SH2D1B: variants seen among roughly 807,000 people sequenced by gnomAD.
SH2D1B encodes the protein SH2 domain-containing protein 1B.
In SH2D1B, 11 loss-of-function variants were observed where a neutral mutation model predicts 16.3. The observed-to-expected ratio is 0.67, with a 90% CI of 0.42 to 1.11. SH2D1B has a LOEUF of 1.11. SH2D1B is among the 50% of genes most tolerant of loss of function. The pLI is 0.00. For synonymous variants in SH2D1B, 55 were observed against 56.1 expected, an observed-to-expected ratio of 0.98 and a Z score of 0.09; for missense variants, 123 against 153.1, an observed-to-expected ratio of 0.80 and a Z score of 1.04.
chr1:162,401,579 A>G (rs1648518141), intron 2 of SH2D1B, among the ~76,000 whole-genome samples: 1 of 152,170 alleles, frequency 6.6e-6, no homozygotes, highest in Admixed American at 6.5e-5. Flanking sequence ...TAAATACTTC[A>G]GTATTTCTTC....
chr1:162,403,505 AAAAAAAATATATATATATATAT>A (rs550941414), intron 1 of SH2D1B, among the ~76,000 whole-genome samples: 17,092 of 53,756 alleles, frequency 0.32, 1,941 homozygotes, highest in South Asian at 0.41. Context: ...AAAAAAAAAA[AAAAAAAATATATATATATATAT>A]ATATATATAT....
At chr1:162,408,414 CTTTTT>C (rs34627792) in intron 1 of SH2D1B, among the ~76,000 whole-genome samples, 2 of 128,192 alleles carry the variant, frequency 1.6e-5, no homozygotes, top group Non-Finnish European at 3.2e-5. Context: ...TTTTTCTCTT[CTTTTT>C]TTTTTTTTTT....
At chr1:162,398,560 G>C (rs1179827581) in intron 3 of SH2D1B, among the ~76,000 whole-genome samples, 3 of 152,194 alleles carry the variant, frequency 2.0e-5, no homozygotes, top group African/African-American at 7.2e-5. Flanking sequence ...AAGTGTAACA[G>C]TATACGCTTT....
At chr1:162,398,901 A>G in intron 3 of SH2D1B, 22 bp downstream of exon 3, 1 of 1,601,442 alleles carries the variant, frequency 6.2e-7, no homozygotes, top group Non-Finnish European at 8.5e-7. Context: ...TTGCTTTCTG[A>G]CCCCCACGTG....
At chr1:162,402,264 G>A (rs1239127211) in intron 2 of SH2D1B, among the ~76,000 whole-genome samples, 1 of 149,478 alleles carries the variant, frequency 6.7e-6, no homozygotes, top group Non-Finnish European at 1.5e-5. Flanking sequence ...TGTAATCCCA[G>A]CAGTCTGGGA....
rs190559654 is a variant in SH2D1B at position 162,399,411 on chromosome 1, G to A, written c.199-324C>T. Among the ~76,000 whole-genome samples the A allele has an allele frequency of 1.2e-4, 19 of 152,316 alleles. No homozygotes were observed. The East Asian group carries it at 3.3e-3, about 26-fold the overall frequency. On this transcript the variant is annotated intron_variant, in intron 2 of 3. Coordinates refer to ENST00000367929, the MANE Select transcript of SH2D1B (RefSeq NM_053282.5). ...GAAGGGTACCCCTGTAAGGGCTTACGTCTGTACCTACAGGCGGGCTTTGCT... is the reference window on the plus strand; with the variant it reads ...GAAGGGTACCCCTGTAAGGGCTTACATCTGTACCTACAGGCGGGCTTTGCT...
In SH2D1B at chr1:162,402,604, CTGACTCTCATCTCTGCAT is replaced by C; in HGVS notation, c.198+117_198+134del. 13 of 672,638 alleles carry C rather than the reference CTGACTCTCATCTCTGCAT, an allele frequency of 1.9e-5. No individual in the cohort carries two copies. The South Asian group carries it at 2.6e-4, about 14-fold the overall frequency. The allele number at this position is 672,638 out of a possible 1,614,324, so 41.7% of individuals were successfully genotyped here. A position where few individuals can be genotyped will look rare whatever the true frequency, so the allele number is the denominator to read the frequency against. ...CAGGGAAAAACCAGGTTAACTCGAT[CTGACTCTCATCTCTGCAT>C]TGTGCTTTCCTTTTTAGAATGCTTT... is the stretch of plus-strand genomic sequence containing the variant. On this transcript the variant is annotated intron_variant, in intron 2 of 3. Coordinates refer to ENST00000367929, the MANE Select transcript of SH2D1B (RefSeq NM_053282.5).
intron 1 of SH2D1B, among the ~76,000 whole-genome samples, chr1:162,404,315 G>A (rs1648600782): frequency 6.6e-6 from 1 of 152,020 alleles, no homozygotes; most frequent in African/African-American, 2.4e-5. Context: ...CAGCCTGGGT[G>A]ACAGAGTGAG....
chr1:162,407,395 A>G (rs1648676819), intron 1 of SH2D1B, among the ~76,000 whole-genome samples: 2 of 152,204 alleles, frequency 1.3e-5, no homozygotes, highest in Admixed American at 1.3e-4. Flanking sequence ...TACCTGAAAC[A>G]TATTTCAGTG....
intron 1 of SH2D1B, among the ~76,000 whole-genome samples, chr1:162,409,179 G>T (rs238773): frequency 0.25 from 38,015 of 151,354 alleles, 4,907 homozygotes; most frequent in East Asian, 0.4. Context: ...TCCTGGCCAA[G>T]GTCTGTCCTT....
intron 2 of SH2D1B, among the ~76,000 whole-genome samples, chr1:162,400,504 C>A (rs1557910094): frequency 4.4e-5 from 6 of 135,362 alleles, no homozygotes; most frequent in Non-Finnish European, 9.3e-5. Flanking sequence ...TGGGGTTTCA[C>A]TGTGTTAGCC....
Position 162,395,359 on chromosome 1 carries a change from G to GA in SH2D1B, c.*1920dup, listed in dbSNP as rs1193506117. On this transcript the variant is annotated 3_prime_UTR_variant, in exon 4 of 4. Coordinates refer to ENST00000367929, the MANE Select transcript of SH2D1B (RefSeq NM_053282.5). ...TGACTATCTCAATAGATTAGAGATA[G>GA]AAAAAAATCACAATAAATGTCAAAA... 4 of 152,116 alleles carry GA rather than the reference G, an allele frequency of 2.6e-5. No individual in the cohort carries two copies. The highest frequency in any genetic ancestry group is 9.6e-5 in the African/African-American group (4 of 41,524). The allele number at this position is 152,116 out of a possible 1,614,324, so 9.4% of individuals were successfully genotyped here.
At chr1:162,398,057 T>C (rs1397190829) in intron 3 of SH2D1B, among the ~76,000 whole-genome samples, 1 of 152,148 alleles carries the variant, frequency 6.6e-6, no homozygotes, top group South Asian at 2.1e-4. Context: ...ATTTTATGCT[T>C]AGCCTTGCTG....
At chr1:162,398,141 A>G (rs754544581) in intron 3 of SH2D1B, among the ~76,000 whole-genome samples, 6 of 152,126 alleles carry the variant, frequency 3.9e-5, no homozygotes, top group Non-Finnish European at 7.4e-5. Context: ...GGATGGAGTG[A>G]TTGCAGGCTC....
rs529733853 is a variant in SH2D1B at position 162,408,906 on chromosome 1, G to A, written c.134+2977C>T. The stretch of plus-strand genomic sequence containing the variant: ...GTGGATCACTGGAGCCCAGGAGCTC[G>A]AAATCAGCCTGGGCAACATAGCGAG... On this transcript the variant is annotated intron_variant, in intron 1 of 3. Transcript: ENST00000367929. 3.7e-4 allele frequency among the ~76,000 whole-genome samples: 57 copies of A among 152,066 alleles called. 1 individual carries two copies. The highest frequency in any genetic ancestry group is 1.2e-3 in the African/African-American group (49 of 41,504).
rs1648404638 is a variant in SH2D1B at position 162,397,403 on chromosome 1, C to A, written c.364-88G>T. 2.8e-6 allele frequency: 4 copies of A among 1,429,456 alleles called. No homozygotes were observed. The Admixed American group carries it at 6.9e-5, about 25-fold the overall frequency. 88.5% of individuals were successfully genotyped at this position (1,429,456 alleles called of 1,614,324 possible). On this transcript the variant is annotated intron_variant, in intron 3 of 3. Transcript: ENST00000367929. ...CAACCCCACTCAAAGGAAAGAAGAC[C>A]CCTCCCCAGGCACAGAGCCATGTTG...
intron 2 of SH2D1B, among the ~76,000 whole-genome samples, chr1:162,400,197 G>T (rs1378065082): frequency 6.6e-6 from 1 of 151,566 alleles, no homozygotes; most frequent in Non-Finnish European, 1.5e-5. Context: ...AACCAAAAAA[G>T]TCCCAATGTA....
intron 1 of SH2D1B, among the ~76,000 whole-genome samples, 172 bp downstream of exon 1, chr1:162,411,711 G>A (rs1023816373): frequency 2.0e-5 from 3 of 152,134 alleles, no homozygotes; most frequent in African/African-American, 7.2e-5. Flanking sequence ...GGCAGATGGA[G>A]GAGCATGGAC....
At chr1:162,409,347 A>G (rs891410065) in intron 1 of SH2D1B, among the ~76,000 whole-genome samples, 1 of 152,096 alleles carries the variant, frequency 6.6e-6, no homozygotes, top group East Asian at 1.9e-4. Flanking sequence ...CAGTCTTTTC[A>G]CTTCCCTGCT....
Sources: gnomAD v4.1 joint callset for allele counts (sites outside exome capture counted in the v4.1 genomes callset) on GRCh38, gnomAD v4.1.1 for gene constraint, MANE v1.5 for transcripts, NCBI Gene and HGNC (gene_info 2026-07-23, HGNC 2026-07-21) for gene names.